Variants in ZFAND3 observed in about 807,000 individuals in gnomAD.
The protein encoded by ZFAND3 is zinc finger AN1-type containing 3.
Under a neutral mutation model 29.6 loss-of-function variants are expected in ZFAND3, and 10 were observed. The ratio of observed to expected loss-of-function variants is 0.34; its 90% CI spans 0.21 to 0.57. The LOEUF is 0.57. Ranked by LOEUF, ZFAND3 falls within the 20% of genes least tolerant of loss-of-function variation. The pLI is 0.86. For missense variants in ZFAND3, 230 were observed against 304.5 expected, an observed-to-expected ratio of 0.76 and a Z score of 1.82; for synonymous variants, 128 against 112.6, an observed-to-expected ratio of 1.14 and a Z score of -0.87.
intron 5 of ZFAND3, among the ~76,000 whole-genome samples, chr6:38,141,677 G>A (rs1320638533): frequency 2.0e-5 from 3 of 152,130 alleles, no homozygotes; most frequent in Admixed American, 6.5e-5. Flanking sequence ...CTCTTTTGTC[G>A]GCAGTGACTT....
chr6:38,002,539 C>T (rs1762968607), intron 2 of ZFAND3, among the ~76,000 whole-genome samples: 1 of 151,890 alleles, frequency 6.6e-6, no homozygotes, highest in Non-Finnish European at 1.5e-5. Flanking sequence ...ATTAGCCTGG[C>T]TCGGTGTTGT....
intron 2 of ZFAND3, among the ~76,000 whole-genome samples, chr6:37,944,479 G>T (rs1239102357): frequency 6.6e-6 from 1 of 152,038 alleles, no homozygotes; most frequent in Non-Finnish European, 1.5e-5. Flanking sequence ...TCCCTACATG[G>T]CCCTACAAGA....
chr6:37,940,239 G>A (rs1451790797), intron 2 of ZFAND3, among the ~76,000 whole-genome samples: 2 of 152,150 alleles, frequency 1.3e-5, no homozygotes, highest in Non-Finnish European at 2.9e-5. Flanking sequence ...AGAGGCTTTG[G>A]CTCCACCAAG....
chr6:37,907,407 C>T (rs1765428307), intron 1 of ZFAND3, among the ~76,000 whole-genome samples: 1 of 152,104 alleles, frequency 6.6e-6, no homozygotes, highest in Admixed American at 6.6e-5. Flanking sequence ...TCTGTTCGCG[C>T]CCCTTGGTGA....
chr6:37,954,928 G>A (rs796210874), intron 2 of ZFAND3, among the ~76,000 whole-genome samples: 7 of 152,176 alleles, frequency 4.6e-5, no homozygotes, highest in African/African-American at 1.7e-4. Context: ...ACATTCCCTG[G>A]CCTTGTGTGA....
At chr6:37,912,006 A>T (rs1267800526) in intron 1 of ZFAND3, among the ~76,000 whole-genome samples, 2 of 148,494 alleles carry the variant, frequency 1.3e-5, no homozygotes, top group African/African-American at 2.5e-5. Flanking sequence ...GTTGCTATGG[A>T]TCTGTCTTCT....
chr6:37,824,980 C>T (rs1763733061), intron 1 of ZFAND3, among the ~76,000 whole-genome samples: 1 of 152,140 alleles, frequency 6.6e-6, no homozygotes, highest in Admixed American at 6.5e-5. Flanking sequence ...TTTTATTCCA[C>T]TTTATTTTTG....
rs1202815717 is a variant in ZFAND3, at chr6:37,971,007, C to T, written c.112+41008C>T. Among the ~76,000 whole-genome samples, 4 of 152,290 alleles carry T rather than the reference C, an allele frequency of 2.6e-5. No homozygotes were observed. In the South Asian group the frequency reaches 6.2e-4, roughly 24 times the overall value. On this transcript the variant is annotated intron_variant, in intron 2 of 5. Coordinates refer to ENST00000287218, the MANE Select transcript of ZFAND3 (RefSeq NM_021943.3). ...ATATCCTTAGTCTTTCTGTGATGAT[C>T]CTTGTTGAAAATTTAGATTGATGAT...
At chr6:37,869,309 G>A (rs1457719446) in intron 1 of ZFAND3, among the ~76,000 whole-genome samples, 2 of 151,894 alleles carry the variant, frequency 1.3e-5, no homozygotes, top group African/African-American at 4.8e-5. Flanking sequence ...GATTACAGGC[G>A]CACCACGCCT....
At chr6:38,056,120 T>C (rs1265262507) in intron 2 of ZFAND3, among the ~76,000 whole-genome samples, 2 of 152,222 alleles carry the variant, frequency 1.3e-5, no homozygotes, top group Non-Finnish European at 2.9e-5. Context: ...ACTTCTATGA[T>C]ATAACTTAAG....
At chr6:37,822,824 T>C (rs1329673310) in intron 1 of ZFAND3, among the ~76,000 whole-genome samples, 2 of 152,156 alleles carry the variant, frequency 1.3e-5, no homozygotes, top group Admixed American at 1.3e-4. Context: ...ACTACTCATT[T>C]GAGGAACAGG....
intron 2 of ZFAND3, among the ~76,000 whole-genome samples, chr6:37,962,384 T>C (rs1436141211): frequency 6.6e-6 from 1 of 152,192 alleles, no homozygotes; most frequent in Non-Finnish European, 1.5e-5. Context: ...TAAGAGTTAC[T>C]GGGCTTAAAG....
At chr6:38,063,472 A>G (rs1468920119) in intron 3 of ZFAND3, among the ~76,000 whole-genome samples, 1 of 152,228 alleles carries the variant, frequency 6.6e-6, no homozygotes, top group African/African-American at 2.4e-5. Flanking sequence ...GATACCAGTA[A>G]TGATGAGCTT....
intron 1 of ZFAND3, among the ~76,000 whole-genome samples, chr6:37,853,001 TAGAA>T (rs1162101894): frequency 2.0e-5 from 3 of 152,216 alleles, no homozygotes; most frequent in Non-Finnish European, 2.9e-5. Flanking sequence ...CTGTTGGTCT[TAGAA>T]AGAAGAAGGT....
intron 4 of ZFAND3, among the ~76,000 whole-genome samples, chr6:38,096,259 G>A (rs1459506751): frequency 6.6e-6 from 1 of 150,458 alleles, no homozygotes; most frequent in Non-Finnish European, 1.5e-5. Flanking sequence ...TGCAACCTCC[G>A]CCTCTCGGGT....
intron 1 of ZFAND3, among the ~76,000 whole-genome samples, chr6:37,929,399 A>G (rs1761550141): frequency 6.6e-6 from 1 of 152,232 alleles, no homozygotes; most frequent in Admixed American, 6.5e-5. Flanking sequence ...AAAGGACATG[A>G]AAACTAATTT....
intron 2 of ZFAND3, among the ~76,000 whole-genome samples, chr6:38,040,329 AC>A (rs1286549171): frequency 3.3e-5 from 5 of 152,194 alleles, no homozygotes; most frequent in African/African-American, 1.2e-4. Context: ...GCTTAACTAT[AC>A]AGCTCAGTAT....
At chr6:37,897,004 T>C (rs533835153) in intron 1 of ZFAND3, among the ~76,000 whole-genome samples, 32 of 152,330 alleles carry the variant, frequency 2.1e-4, no homozygotes, top group Admixed American at 7.2e-4. Flanking sequence ...TAACATGATA[T>C]TGTTGATAAT....
chr6:38,038,728 T>C (rs940335839), intron 2 of ZFAND3, among the ~76,000 whole-genome samples: 3 of 152,194 alleles, frequency 2.0e-5, no homozygotes, highest in South Asian at 4.1e-4. Context: ...GTCAGTAGAC[T>C]TTCATAGTCA....
Sources: allele counts gnomAD v4.1 joint callset (sites outside exome capture counted in the v4.1 genomes callset), GRCh38; gene constraint gnomAD v4.1.1; transcripts MANE v1.5; gene names NCBI Gene and HGNC (gene_info 2026-07-23, HGNC 2026-07-21).